Variants in FBXO15 observed in about 807,000 individuals in gnomAD.
The protein encoded by FBXO15 is F-box protein 15.
FBXO15 carries 30 observed loss-of-function variants against 49.5 expected under a neutral mutation model. The ratio of observed to expected loss-of-function variants is 0.61; its 90% confidence interval spans 0.45 to 0.82. The LOEUF is 0.82. Ranked by LOEUF, FBXO15 falls within the 40% of genes least tolerant of loss-of-function variation. The pLI, the probability that FBXO15 is intolerant of heterozygous loss-of-function variation, is 0.00. For synonymous variants in FBXO15, 250 were observed against 232.7 expected (o/e 1.07, Z -0.68); for missense variants, 591 against 631.5 (o/e 0.94, Z 0.69).
chr18:74,132,854 C>T (rs192782329), intron 3 of FBXO15, among the ~76,000 whole-genome samples: 4 of 152,164 alleles, frequency 2.6e-5, no homozygotes, highest in Admixed American at 2.0e-4. Context: ...AACCAGATGT[C>T]ACCTCATCCA....
At chr18:74,088,455 G>A (rs1227518774) in intron 8 of FBXO15, among the ~76,000 whole-genome samples, 1 of 152,188 alleles carries the variant, frequency 6.6e-6, no homozygotes, top group African/African-American at 2.4e-5. Context: ...TTATTGAATA[G>A]GAAGTCCTTT....
intron 8 of FBXO15, among the ~76,000 whole-genome samples, chr18:74,089,005 T>C (rs1211287065): frequency 1.3e-5 from 2 of 152,168 alleles, no homozygotes; most frequent in Admixed American, 6.5e-5. Flanking sequence ...CTGGGATACA[T>C]GTACATGACG....
intron 8 of FBXO15, among the ~76,000 whole-genome samples, chr18:74,090,745 T>C (rs1157322124): frequency 6.6e-6 from 1 of 152,248 alleles, no homozygotes; most frequent in African/African-American, 2.4e-5. Flanking sequence ...CTATTTTTAT[T>C]GTGCTGTGGT....
At chr18:74,108,017 C>G (rs74713445) in intron 8 of FBXO15, among the ~76,000 whole-genome samples, 1,838 of 152,222 alleles carry the variant, frequency 0.012, 40 homozygotes, top group African/African-American at 0.042. Context: ...CAGGCTCACT[C>G]AGAGACTGAG....
intron 7 of FBXO15, 134 bp downstream of exon 7, chr18:74,124,355 G>T: frequency 1.5e-6 from 1 of 677,880 alleles, no homozygotes; most frequent in Non-Finnish European, 2.5e-6. Flanking sequence ...AGCTAATTGT[G>T]CCTGTTGGTT....
intron 8 of FBXO15, among the ~76,000 whole-genome samples, chr18:74,090,428 T>A (rs1275414735): frequency 6.6e-6 from 1 of 152,164 alleles, no homozygotes; most frequent in African/African-American, 2.4e-5. Flanking sequence ...ATTTTGGTTA[T>A]CTCTTGTCTT....
At chr18:74,109,080 T>C (rs572667102) in intron 8 of FBXO15, among the ~76,000 whole-genome samples, 2 of 152,170 alleles carry the variant, frequency 1.3e-5, no homozygotes, top group Admixed American at 6.5e-5. Context: ...AAAAGGAAAA[T>C]GATCATCTGA....
intron 8 of FBXO15, among the ~76,000 whole-genome samples, chr18:74,108,508 AG>A (rs1913870138): frequency 6.8e-6 from 1 of 147,964 alleles, no homozygotes; most frequent in African/African-American, 2.6e-5. Context: ...AAAAGCAAAG[AG>A]AAAAAAAAAG....
chr18:74,107,511 T>C (rs1913822662), intron 8 of FBXO15, among the ~76,000 whole-genome samples: 1 of 152,180 alleles, frequency 6.6e-6, no homozygotes, highest in Admixed American at 6.5e-5. Context: ...GGCAAACCAC[T>C]GTCCCAAAAT....
At chr18:74,113,900 G>A (rs1278390443) in intron 8 of FBXO15, among the ~76,000 whole-genome samples, 4 of 152,160 alleles carry the variant, frequency 2.6e-5, no homozygotes. Context: ...CTTTCACAGG[G>A]TGGCACCATC....
intron 8 of FBXO15, among the ~76,000 whole-genome samples, chr18:74,115,715 C>G (rs1376969293): frequency 2.6e-5 from 4 of 152,128 alleles, no homozygotes; most frequent in Non-Finnish European, 5.9e-5. Flanking sequence ...AAGATATACA[C>G]TGATATATAG....
chr18:74,092,955 G>A (rs1490287625), intron 8 of FBXO15, among the ~76,000 whole-genome samples: 3 of 152,252 alleles, frequency 2.0e-5, no homozygotes, highest in African/African-American at 4.8e-5. Context: ...GAAGGGGGCA[G>A]GCTGCTAGGG....
At position 74,078,363 on chromosome 18, in the gene FBXO15, T is replaced by C; in HGVS notation, c.1263+3564A>G. On this transcript the variant is annotated intron_variant, in intron 9 of 9. Coordinates refer to ENST00000419743, the MANE Select transcript of FBXO15 (RefSeq NM_001142958.2). Reference sequence around the variant, plus strand: ...CGACCTGCCCCAGCAGCCTTTCCAATGCCCCCCAGTCACTGTCCCTCCTGT... The same window carrying C: ...CGACCTGCCCCAGCAGCCTTTCCAACGCCCCCCAGTCACTGTCCCTCCTGT... 2 of 121,770 alleles carry C rather than the reference T, an allele frequency of 1.6e-5. 1 individual carries two copies. The highest frequency in any genetic ancestry group is 3.4e-5 in the Non-Finnish European group (2 of 59,376). The allele number at this position is 121,770 out of a possible 1,614,324, so 7.5% of individuals were successfully genotyped here.
intron 9 of FBXO15, among the ~76,000 whole-genome samples, chr18:74,077,277 T>C (rs1912293426): frequency 6.6e-6 from 1 of 152,190 alleles, no homozygotes; most frequent in Non-Finnish European, 1.5e-5. Flanking sequence ...GAGGTGCTGG[T>C]TGTTATTAAA....
At chr18:74,081,795 A>T in intron 9 of FBXO15, 132 bp downstream of exon 9, 1 of 691,052 alleles carries the variant, frequency 1.4e-6, no homozygotes, top group South Asian at 3.3e-5. Context: ...ACCTTCAGAA[A>T]CCAGAACAAT....
intron 8 of FBXO15, 48 bp downstream of exon 8, chr18:74,123,320 A>C: frequency 6.3e-7 from 1 of 1,578,222 alleles, no homozygotes; most frequent in Non-Finnish European, 8.6e-7. Flanking sequence ...TGGTTCCCTC[A>C]CCTCAACCTT....
chr18:74,144,949 A>C (rs936316584), intron 1 of FBXO15, among the ~76,000 whole-genome samples: 2 of 152,274 alleles, frequency 1.3e-5, no homozygotes, highest in African/African-American at 4.8e-5. Context: ...TTTTGTAAAC[A>C]TATATGCATA....
chr18:74,076,127 C>A (rs1348715521), intron 9 of FBXO15: 1 of 152,236 alleles, frequency 6.6e-6, no homozygotes, highest in African/African-American at 2.4e-5. Flanking sequence ...GAAATGTGGG[C>A]GTCCTTCTAG....
At chr18:74,111,798 T>A (rs978097672) in intron 8 of FBXO15, among the ~76,000 whole-genome samples, 3 of 151,832 alleles carry the variant, frequency 2.0e-5, no homozygotes, top group East Asian at 3.9e-4. Context: ...TCTAGCAAGG[T>A]AAACTAAGAA....
Sources: gnomAD v4.1 joint callset for allele counts (sites outside exome capture counted in the v4.1 genomes callset) on GRCh38, gnomAD v4.1.1 for gene constraint, MANE v1.5 for transcripts, NCBI Gene and HGNC (gene_info 2026-07-23, HGNC 2026-07-21) for gene names.